Variants in CHD8 observed in about 807,000 individuals in gnomAD.
CHD8 encodes the protein ATP-dependent chromatin remodeler CHD8.
In CHD8, 31 loss-of-function variants were observed where a neutral mutation model predicts 279.2. That is an observed-to-expected ratio of 0.11 (90% CI 0.08 to 0.15). The LOEUF is 0.15. Ranked by LOEUF, CHD8 falls within the 10% of genes least tolerant of loss-of-function variation. The probability of loss-of-function intolerance (pLI) is 1.00; values close to 1 mark genes in which losing one functional copy is unlikely to be tolerated. For synonymous variants in CHD8, 1,081 were observed against 1,139.6 expected (o/e 0.95, Z 1.04); for missense variants, 2,146 against 3,230.5 (o/e 0.66, Z 8.14).
intron 26 of CHD8, chr14:21,398,322 C>T (rs1020581986): frequency 2.0e-5 from 3 of 153,304 alleles, no homozygotes; most frequent in African/African-American, 4.8e-5. Flanking sequence ...TCACTGCAAG[C>T]TCTGCCTTCC....
In CHD8 at chr14:21,405,656, G is replaced by A; in HGVS notation, c.3051+65C>T. ...CCTTGAGATACCCATGACAACAGAT[G>A]TCTGCCTTGTACAAACTTCACCTTC... On this transcript the variant is annotated intron_variant, in intron 15 of 37. Coordinates refer to ENST00000646647, the MANE Select transcript of CHD8 (RefSeq NM_001170629.2). The surrounding 1 kb of genome is among the most constrained non-coding windows in gnomAD (Gnocchi z 4.2). 1.3e-6 allele frequency: 2 copies of A among 1,572,876 alleles called. No homozygotes were observed. Among genetic ancestry groups the A allele is most frequent in the South Asian group, 2.3e-5 (2 of 87,644 alleles).
At position 21,394,961 on chromosome 14, in the gene CHD8, C is replaced by T; in HGVS notation, c.5341G>A (p.Glu1781Lys). The T allele has an allele frequency of 6.2e-7, 1 of 1,614,028 alleles. No homozygotes were observed. Among genetic ancestry groups the T allele is most frequent in the Non-Finnish European group, 8.5e-7 (1 of 1,179,904 alleles). The change falls in exon 30 of 38, where the codon GAA becomes AAA. Residue 1781 changes from glutamate (E) to lysine (K), a missense_variant. Coordinates refer to ENST00000646647, the MANE Select transcript of CHD8 (RefSeq NM_001170629.2). ...ATTTCTTTCAGCTTGAAGGCTGCTT[C>T]ACAACGCCGCCTTCGCCGGTCCCCA... ...ERGDRRRRRC[E>K]AAFKLKEIAR...
chr14:21,403,289 C>T lies in CHD8; in HGVS notation c.3519-77G>A. 7.1e-7 allele frequency: 1 copy of T among 1,406,774 alleles called. No individual in the cohort carries two copies. The allele number at this position is 1,406,774 out of a possible 1,614,324, so 87.1% of individuals were successfully genotyped here. ...CCAAAACAGCAGGCTAGGATCAATA[C>T]CAGTACTCCCATATCAAAGCTGGTC... On this transcript the variant is annotated intron_variant, in intron 17 of 37. Transcript: ENST00000646647. The surrounding 1 kb of genome is among the most constrained non-coding windows in gnomAD (Gnocchi z 4.3).
chr14:21,401,584 T>C, intron 20 of CHD8, 71 bp from the exon 21 acceptor site: 1 of 982,494 alleles, frequency 1.0e-6, no homozygotes, highest in Non-Finnish European at 1.5e-6. Flanking sequence ...CAATTATGTT[T>C]TAAAAACATT....
Position 21,401,488 on chromosome 14 carries a change from C to A in CHD8, c.4088G>T (p.Arg1363Met). 1 of 1,593,204 alleles carries A rather than the reference C, an allele frequency of 6.3e-7. No individual in the cohort carries two copies. The highest frequency in any genetic ancestry group is 2.3e-5 in the East Asian group (1 of 44,300). Residue 1363 changes from arginine to methionine, a missense_variant, in exon 21 of 38, where the codon AGG becomes ATG. By Grantham distance (91) the Arg-to-Met change is moderately conservative. Coordinates refer to ENST00000646647, the MANE Select transcript of CHD8 (RefSeq NM_001170629.2). ...AKASFVASENRTDISLDDPNF... is the reference protein window; with the variant it reads ...AKASFVASENMTDISLDDPNF... ...GGGGTCATCCAAAGAAATATCTGTCCTGTTTTCAGAAGCAACAAAGCTTGC... is the reference window on the plus strand; with the variant it reads ...GGGGTCATCCAAAGAAATATCTGTCATGTTTTCAGAAGCAACAAAGCTTGC...
intron 1 of CHD8, among the ~76,000 whole-genome samples, chr14:21,454,603 C>T (rs1890341191): frequency 6.6e-6 from 1 of 152,178 alleles, no homozygotes; most frequent in Non-Finnish European, 1.5e-5. Context: ...GCTGAGATTA[C>T]AAGCGTGAGC....
intron 10 of CHD8, 35 bp from the exon 11 acceptor site, chr14:21,410,023 A>G: frequency 6.3e-7 from 1 of 1,580,652 alleles, no homozygotes; most frequent in Non-Finnish European, 8.6e-7. Context: ...TAAGAAACTG[A>G]TTCTGTGTTC....
At chr14:21,451,766 TAACA>T (rs1890262602) in intron 1 of CHD8, among the ~76,000 whole-genome samples, 1 of 151,938 alleles carries the variant, frequency 6.6e-6, no homozygotes, top group African/African-American at 2.4e-5. Context: ...CATGTAACAT[TAACA>T]AACTAAGGGC....
At chr14:21,434,531 TC>T (rs1271570931) in intron 1 of CHD8, among the ~76,000 whole-genome samples, 1 of 152,164 alleles carries the variant, frequency 6.6e-6, no homozygotes, top group African/African-American at 2.4e-5. Context: ...GCTGATGGTT[TC>T]TGATGAATCT....
In CHD8 at chr14:21,414,322, C is replaced by T. The variant is rs1888628200; in HGVS notation, c.2121G>A (p.Gln707=). 6.5e-7 allele frequency: 1 copy of T among 1,544,310 alleles called. No homozygotes were observed. The highest frequency in any genetic ancestry group is 8.8e-7 in the Non-Finnish European group (1 of 1,131,432). The change falls in exon 9 of 38, where the codon CAG becomes CAA. Residue 707 remains glutamine, a synonymous_variant. Coordinates refer to ENST00000646647, the MANE Select transcript of CHD8 (RefSeq NM_001170629.2). ...KLKRFKTKMA[Q]MRHFFHEDEE... is the part of the protein sequence containing the mutation. ...TTACCTCATGGAAGAAGTGTCTCAT[C>T]TGAGCCATTTTGGTTTTGAAGCGCT...
Position 21,431,473 on chromosome 14 carries a change from A to T in CHD8, c.171T>A (p.Asp57Glu). The change falls in exon 2 of 38, where the codon GAT (aspartate) becomes GAA (glutamate). Residue 57 changes from aspartate (D) to glutamate (E), a missense_variant. Transcript: ENST00000646647. Reference sequence around the variant, plus strand: ...GTTCACTTGCTGATGAATTCCCCACATCACCACCTCCACCATCCTGGTTCA... The same window carrying T: ...GTTCACTTGCTGATGAATTCCCCACTTCACCACCTCCACCATCCTGGTTCA... ...DQMNQDGGGG[D>E]VGNSSASELV... 1 of 1,537,172 alleles carries T rather than the reference A, an allele frequency of 6.5e-7. No homozygotes were observed. Among genetic ancestry groups the T allele is most frequent in the Non-Finnish European group, 8.7e-7 (1 of 1,146,860 alleles).
chr14:21,443,148 T>C (rs1306376724), intron 1 of CHD8, among the ~76,000 whole-genome samples: 5 of 152,080 alleles, frequency 3.3e-5, no homozygotes, highest in East Asian at 1.9e-4. Context: ...TCCCAGCACT[T>C]TGGGAGGCCG....
At position 21,415,660 on chromosome 14, in the gene CHD8, G is replaced by A. The variant is rs372448647; in HGVS notation, c.1900-18C>T. On this transcript the variant is annotated intron_variant, in intron 6 of 37. Transcript: ENST00000646647. ...GGATTCTCCTGCAGCAAAAGATGCA[G>A]TCAGTCAACAGATGATTGTGACCAG... The A allele has an allele frequency of 1.3e-5, 21 of 1,611,520 alleles. No homozygotes were observed. In the African/African-American group the frequency reaches 2.7e-4, roughly 20 times the overall value.
Position 21,429,008 on chromosome 14 carries a change from C to T in CHD8, c.1171G>A (p.Gly391Arg). 1 of 1,613,934 alleles carries T rather than the reference C, an allele frequency of 6.2e-7. No individual in the cohort carries two copies. The highest frequency in any genetic ancestry group is 8.5e-7 in the Non-Finnish European group (1 of 1,179,860). Residue 391 changes from glycine (G) to arginine (R), a missense_variant, in exon 3 of 38, where the codon GGA becomes AGA. Around this residue, in one of 26 missense-constraint regions of CHD8, gnomAD observed 170 missense variants for 189.9 expected, o/e 0.90. Coordinates refer to ENST00000646647, the MANE Select transcript of CHD8 (RefSeq NM_001170629.2). Reference protein sequence around the residue: ...AQIMGPGQSPGQRLSVPVKVV... With the variant: ...AQIMGPGQSPRQRLSVPVKVV... ...TTGACTGGTACTGAAAGTCTTTGTC[C>T]TGGGCTTTGTCCTGGTCCCATTATC...
At chr14:21,447,479 C>T (rs535665471) in intron 1 of CHD8, among the ~76,000 whole-genome samples, 1 of 151,270 alleles carries the variant, frequency 6.6e-6, no homozygotes, top group African/African-American at 2.4e-5. Context: ...TCAAGTTATT[C>T]TCCCACTTCA....
Position 21,408,582 on chromosome 14 carries a change from A to G in CHD8, c.2487-27T>C. ...TGCAGATTCACCATGGGAAAAAAAA[A>G]ATGTTAAAAGATACTATCTTTAAAA... On this transcript the variant is annotated intron_variant, in intron 12 of 37. Transcript: ENST00000646647. This position sits in a 1 kb window ranked among gnomAD's most constrained non-coding sequence, Gnocchi z 4.3. The G allele has an allele frequency of 6.3e-7, 1 of 1,596,278 alleles. No homozygotes were observed. The highest frequency in any genetic ancestry group is 8.5e-7 in the Non-Finnish European group (1 of 1,171,034).
chr14:21,406,582 T>C (rs1888262727), intron 14 of CHD8, among the ~76,000 whole-genome samples: 1 of 152,188 alleles, frequency 6.6e-6, no homozygotes, highest in Admixed American at 6.5e-5. Context: ...AATATAGTTG[T>C]TGTAGGACAT....
intron 37 of CHD8, among the ~76,000 whole-genome samples, chr14:21,389,541 G>T (rs934142997): frequency 6.6e-6 from 1 of 152,198 alleles, no homozygotes; most frequent in Admixed American, 6.5e-5. Flanking sequence ...AACCGGGGAT[G>T]CAGAGCTTGC....
chr14:21,390,407 T>G (rs1887473051), intron 37 of CHD8, among the ~76,000 whole-genome samples: 2 of 152,098 alleles, frequency 1.3e-5, no homozygotes, highest in Non-Finnish European at 2.9e-5. Flanking sequence ...TTCATATGCA[T>G]CAAGTACTAA....
Sources: allele counts gnomAD v4.1 joint callset (sites outside exome capture counted in the v4.1 genomes callset), GRCh38; gene constraint gnomAD v4.1.1; regional missense constraint gnomAD v4.1.1; non-coding constraint Gnocchi (gnomAD v3.1); transcripts MANE v1.5; gene names NCBI Gene and HGNC (gene_info 2026-07-23, HGNC 2026-07-21).